Variants in ARHGEF10 observed in about 807,000 individuals in gnomAD.
ARHGEF10 encodes the protein Rho guanine nucleotide exchange factor (GEF) 10.
A neutral mutation model predicts 147.4 loss-of-function variants in ARHGEF10; 140 were observed. The observed-to-expected ratio is 0.95, with a 90% CI of 0.83 to 1.09. The LOEUF (loss-of-function observed/expected upper bound fraction) is 1.09, where lower values mean the gene tolerates loss of function less well. ARHGEF10 is among the 50% of genes least tolerant of loss of function. The probability of loss-of-function intolerance (pLI) is 0.00; values close to 1 mark genes in which losing one functional copy is unlikely to be tolerated. For missense variants in ARHGEF10, 2,222 were observed against 1,752.7 expected (o/e 1.27, Z -4.78); for synonymous variants, 902 against 695.8 (o/e 1.30, Z -4.67).
chr8:1,917,618 G>A (rs1038444309), intron 18 of ARHGEF10, among the ~76,000 whole-genome samples: 2 of 152,290 alleles, frequency 1.3e-5, no homozygotes, highest in South Asian at 4.1e-4. Context: ...AGAAAGACTC[G>A]GGAAGTGCTT....
intron 8 of ARHGEF10, among the ~76,000 whole-genome samples, chr8:1,878,387 A>G (rs1807887532): frequency 6.6e-6 from 1 of 152,056 alleles, no homozygotes; most frequent in Non-Finnish European, 1.5e-5. Context: ...GGGTTTCACC[A>G]TATTGGCCAG....
rs1312708047 is a variant in ARHGEF10, at chr8:1,948,561, G to GGTGACACCAGAAGTTCAGTTTT, written c.3397+2909_3397+2930dup. On this transcript the variant is annotated intron_variant, in intron 27 of 28. Transcript: ENST00000349830. The surrounding 1 kb of genome is among the most constrained non-coding windows in gnomAD (Gnocchi z 4.9). ...AGGTACACGGGTTAGAGGCAACCTCGGTGACACCAGAAGTTCAGTTTTGTT... is the reference window on the plus strand; with the variant it reads ...AGGTACACGGGTTAGAGGCAACCTCGGTGACACCAGAAGTTCAGTTTTGTGACACCAGAAGTTCAGTTTTGTT... Among the ~76,000 whole-genome samples, 1 of 152,126 alleles carries GGTGACACCAGAAGTTCAGTTTT rather than the reference G, an allele frequency of 6.6e-6. No homozygotes were observed. Among genetic ancestry groups the GGTGACACCAGAAGTTCAGTTTT allele is most frequent in the Non-Finnish European group, 1.5e-5 (1 of 68,034 alleles).
intron 2 of ARHGEF10, among the ~76,000 whole-genome samples, chr8:1,845,831 G>C (rs538997681): frequency 6.6e-6 from 1 of 152,166 alleles, no homozygotes; most frequent in Non-Finnish European, 1.5e-5. Flanking sequence ...GTGTGTAGTT[G>C]TGCTAATCAG....
chr8:1,842,454 G>A lies in ARHGEF10; in HGVS notation c.-47-899G>A, dbSNP rs114155147. On this transcript the variant is annotated intron_variant, in intron 1 of 28. Transcript: ENST00000349830. ...TCGCGTTCCCCTCATTGAATAGTAC[G>A]TGAGGCCGGTGACCACCCTGGGCAT... Among the ~76,000 whole-genome samples, 794 of 152,300 alleles carry A rather than the reference G, an allele frequency of 5.2e-3. 6 individuals are homozygous for A. The highest frequency in any genetic ancestry group is 0.017 in the African/African-American group (727 of 41,566).
rs199743514 is a variant in ARHGEF10, at chr8:1,957,227, C to T, written c.3999C>T (p.Thr1333=). The change falls in exon 29 of 29, where the codon ACC becomes ACT. Residue 1333 remains threonine (T), a synonymous_variant. Coordinates refer to ENST00000349830, the MANE Select transcript of ARHGEF10 (RefSeq NM_014629.4). Reference sequence around the variant, plus strand: ...CCCACCAGGAAGAGCTGGCGCCGACCGTCATGGTCTGGCAGATCCCTCTGC... The same window carrying T: ...CCCACCAGGAAGAGCTGGCGCCGACTGTCATGGTCTGGCAGATCCCTCTGC... ...RQPHQEELAP[T]VMVWQIPLLN... is the part of the protein sequence containing the mutation. 2.0e-5 allele frequency: 33 copies of T among 1,611,750 alleles called. No homozygotes were observed. The highest frequency in any genetic ancestry group is 1.3e-4 in the East Asian group (6 of 44,882).
chr8:1,825,920 G>A (rs1802743783), intron 1 of ARHGEF10: 2 of 612,130 alleles, frequency 3.3e-6, no homozygotes, highest in Admixed American at 2.9e-5. Context: ...CACTGTTGCT[G>A]ATTAATAATA....
intron 1 of ARHGEF10, among the ~76,000 whole-genome samples, chr8:1,828,146 C>T (rs56040809): frequency 0.027 from 4,071 of 152,320 alleles, 92 homozygotes; most frequent in Middle Eastern, 0.044. Context: ...CTTTTCGGCA[C>T]CAGGTGAGTC....
intron 7 of ARHGEF10, chr8:1,870,068 G>A (rs1806973073): frequency 6.5e-6 from 1 of 152,982 alleles, no homozygotes; most frequent in South Asian, 2.1e-4. Flanking sequence ...CGGGCGTGTG[G>A]AGAGTCGATA....
At chr8:1,886,147 T>G (rs1808639065) in intron 11 of ARHGEF10, among the ~76,000 whole-genome samples, 1 of 152,174 alleles carries the variant, frequency 6.6e-6, no homozygotes, top group African/African-American at 2.4e-5. Context: ...TATAATGCAT[T>G]TCTTAAAAAT....
intron 9 of ARHGEF10, among the ~76,000 whole-genome samples, chr8:1,882,014 G>T (rs1329824530): frequency 1.3e-5 from 2 of 152,190 alleles, no homozygotes; most frequent in Non-Finnish European, 2.9e-5. Context: ...CACAGCTCTG[G>T]CCGAGGAAGT....
chr8:1,874,670 G>C (rs1320804508), intron 7 of ARHGEF10, among the ~76,000 whole-genome samples: 2 of 151,818 alleles, frequency 1.3e-5, no homozygotes, highest in Admixed American at 1.3e-4. Flanking sequence ...GGGTGTGTAG[G>C]GGGTAGAGGT....
intron 2 of ARHGEF10, among the ~76,000 whole-genome samples, chr8:1,854,445 C>A (rs1006980674): frequency 2.6e-5 from 4 of 152,226 alleles, no homozygotes; most frequent in Non-Finnish European, 5.9e-5. Flanking sequence ...CTTACTGGAA[C>A]TGAATTCTGA....
rs71499047 is a variant in ARHGEF10 at position 1,860,241 on chromosome 8, C to T, written c.481+57C>T. 4.3e-3 allele frequency: 6,430 copies of T among 1,506,736 alleles called. 162 individuals are homozygous for T. The highest frequency in any genetic ancestry group is 4.5e-3 in the Non-Finnish European group (4,959 of 1,099,626). 93.3% of individuals were successfully genotyped at this position (1,506,736 alleles called of 1,614,324 possible). On this transcript the variant is annotated intron_variant, in intron 4 of 28. Coordinates refer to ENST00000349830, the MANE Select transcript of ARHGEF10 (RefSeq NM_014629.4). ...GTGGCCTGTGGTTCCCTCCTCTCCA[C>T]GCCCCCGAAGTGGCCTGTGGTTCCC...
At chr8:1,872,928 G>A (rs1807251302) in intron 7 of ARHGEF10, among the ~76,000 whole-genome samples, 1 of 152,186 alleles carries the variant, frequency 6.6e-6, no homozygotes, top group Admixed American at 6.5e-5. Flanking sequence ...AAGAAAGTGA[G>A]GACCAAAGGT....
intron 10 of ARHGEF10, among the ~76,000 whole-genome samples, chr8:1,883,776 A>AT (rs3837162): frequency 0.016 from 2,398 of 152,268 alleles, 58 homozygotes; most frequent in East Asian, 0.097. Flanking sequence ...AGGTGGCCAT[A>AT]TTACACAGCC....
chr8:1,892,913 C>G (rs1207769129), intron 11 of ARHGEF10, among the ~76,000 whole-genome samples: 1 of 151,976 alleles, frequency 6.6e-6, no homozygotes. Flanking sequence ...ATCTTACAGC[C>G]ACAAGTCTAT....
intron 11 of ARHGEF10, among the ~76,000 whole-genome samples, chr8:1,888,208 TGGGGC>T (rs1563233994): frequency 4.4e-5 from 3 of 68,272 alleles, no homozygotes; most frequent in African/African-American, 2.3e-4. Context: ...AGACACTTAG[TGGGGC>T]GAGGGTTGCG....
intron 2 of ARHGEF10, among the ~76,000 whole-genome samples, chr8:1,851,047 T>A (rs1459248247): frequency 3.3e-5 from 5 of 151,768 alleles, no homozygotes; most frequent in African/African-American, 1.2e-4. Flanking sequence ...GGGGGAGGGG[T>A]GACAGGCGGA....
chr8:1,949,551 T>C (rs538482873), intron 27 of ARHGEF10, among the ~76,000 whole-genome samples: 36 of 152,286 alleles, frequency 2.4e-4, no homozygotes, highest in African/African-American at 8.7e-4. Context: ...AAGGAGGATA[T>C]TTTTGATGGG....
Sources: gnomAD v4.1 joint callset for allele counts (sites outside exome capture counted in the v4.1 genomes callset) on GRCh38, gnomAD v4.1.1 for gene constraint, Gnocchi (gnomAD v3.1) non-coding constraint, MANE v1.5 for transcripts, NCBI Gene and HGNC (gene_info 2026-07-23, HGNC 2026-07-21) for gene names.